The following THSD7B variants were observed in gnomAD, a reference collection of about 807,000 sequenced individuals.
The protein encoded by THSD7B is thrombospondin type-1 domain-containing protein 7B.
Under a neutral mutation model 213.6 loss-of-function variants are expected in THSD7B, and 138 were observed. The ratio of observed to expected loss-of-function variants is 0.65; its 90% CI spans 0.56 to 0.74. The LOEUF (loss-of-function observed/expected upper bound fraction) is 0.74, where lower values mean the gene tolerates loss of function less well. Among genes scored for constraint, THSD7B ranks in the 30% least tolerant of loss-of-function variants. The pLI, the probability that THSD7B is intolerant of heterozygous loss-of-function variation, is 0.00. For missense variants in THSD7B, 1,931 were observed against 1,991.5 expected (o/e 0.97, Z 0.58); for synonymous variants, 742 against 687.0 (o/e 1.08, Z -1.25).
At chr2:137,362,474 G>C (rs1277264432) in intron 12 of THSD7B, among the ~76,000 whole-genome samples, 2 of 152,086 alleles carry the variant, frequency 1.3e-5, no homozygotes, top group Admixed American at 6.6e-5. Flanking sequence ...TCAGTGCGTT[G>C]TATTCAGGAG....
At chr2:137,031,161 T>C (rs185581176) in intron 2 of THSD7B, among the ~76,000 whole-genome samples, 1 of 151,968 alleles carries the variant, frequency 6.6e-6, no homozygotes, top group Admixed American at 6.6e-5. Flanking sequence ...CTGGCCAACA[T>C]GGTGAAACCC....
At chr2:136,961,376 T>C (rs1299325482) in intron 2 of THSD7B, among the ~76,000 whole-genome samples, 1 of 151,490 alleles carries the variant, frequency 6.6e-6, no homozygotes, top group Admixed American at 6.6e-5. Context: ...ACAACCACCA[T>C]GCCCGGCTAA....
intron 12 of THSD7B, among the ~76,000 whole-genome samples, chr2:137,281,194 A>G (rs895915684): frequency 6.6e-6 from 1 of 152,048 alleles, no homozygotes; most frequent in Non-Finnish European, 1.5e-5. Flanking sequence ...TTCTTCTTTA[A>G]TTAGTTTTTG....
chr2:137,506,626 A>C (rs1679841389), intron 15 of THSD7B, among the ~76,000 whole-genome samples: 1 of 152,208 alleles, frequency 6.6e-6, no homozygotes, highest in Admixed American at 6.5e-5. Flanking sequence ...CCACAGACAG[A>C]CTTCTCCATT....
At chr2:136,775,191 G>T (rs1386645221) in intron 1 of THSD7B, among the ~76,000 whole-genome samples, 1 of 152,078 alleles carries the variant, frequency 6.6e-6, no homozygotes, top group East Asian at 1.9e-4. Flanking sequence ...TTGCCACCTT[G>T]CAGGGTATGT....
intron 20 of THSD7B, among the ~76,000 whole-genome samples, chr2:137,629,330 A>T (rs1274774759): frequency 6.6e-6 from 1 of 152,232 alleles, no homozygotes; most frequent in East Asian, 1.9e-4. Context: ...TAATTCTGCC[A>T]CTGTACCAAG....
chr2:137,090,001 G>A (rs977592776), intron 3 of THSD7B, among the ~76,000 whole-genome samples: 10 of 150,108 alleles, frequency 6.7e-5, no homozygotes, highest in African/African-American at 2.2e-4. Context: ...AGTTAGAGTC[G>A]GTCTCAAAAA....
chr2:137,250,647 A>G (rs1212228847), intron 10 of THSD7B, among the ~76,000 whole-genome samples: 1 of 152,210 alleles, frequency 6.6e-6, no homozygotes, highest in East Asian at 1.9e-4. Flanking sequence ...CTGTGTGTAT[A>G]TGGATAAAGT....
At chr2:137,578,782 T>C (rs1170599845) in intron 17 of THSD7B, among the ~76,000 whole-genome samples, 2 of 152,200 alleles carry the variant, frequency 1.3e-5, no homozygotes, top group Non-Finnish European at 2.9e-5. Context: ...GTTTGTTTCT[T>C]TTTTACAAGG....
chr2:137,239,151 A>G (rs970947200), intron 9 of THSD7B, among the ~76,000 whole-genome samples: 1 of 152,006 alleles, frequency 6.6e-6, no homozygotes, highest in Non-Finnish European at 1.5e-5. Context: ...TTTTTTTGAA[A>G]TAATTATAGA....
intron 12 of THSD7B, among the ~76,000 whole-genome samples, chr2:137,392,334 T>C (rs1445120140): frequency 6.6e-6 from 1 of 152,196 alleles, no homozygotes; most frequent in Non-Finnish European, 1.5e-5. Flanking sequence ...TGTCTAATGC[T>C]GTGAGTAGGA....
At chr2:137,150,132 C>T (rs1177850820) in intron 5 of THSD7B, among the ~76,000 whole-genome samples, 3 of 151,744 alleles carry the variant, frequency 2.0e-5, no homozygotes, top group Admixed American at 6.6e-5. Flanking sequence ...ATCCCAGCTA[C>T]TCTGGAGGCT....
intron 2 of THSD7B, among the ~76,000 whole-genome samples, chr2:136,887,266 A>G (rs1477123005): frequency 1.6e-4 from 24 of 150,904 alleles, no homozygotes. Context: ...GTTTTGAATA[A>G]TACGTTCTGA....
chr2:137,449,581 C>A (rs1272205692), intron 14 of THSD7B, among the ~76,000 whole-genome samples: 1 of 152,138 alleles, frequency 6.6e-6, no homozygotes, highest in African/African-American at 2.4e-5. Context: ...AGAATTTATC[C>A]CCATGCACCT....
At chr2:137,199,756 G>A (rs1358450605) in intron 7 of THSD7B, among the ~76,000 whole-genome samples, 1 of 152,146 alleles carries the variant, frequency 6.6e-6, no homozygotes, top group African/African-American at 2.4e-5. Context: ...AAAAGTTATT[G>A]TGTATGTTCT....
At chr2:137,312,676 G>A (rs1243293670) in intron 12 of THSD7B, among the ~76,000 whole-genome samples, 5 of 147,014 alleles carry the variant, frequency 3.4e-5, no homozygotes, top group Admixed American at 1.4e-4. Flanking sequence ...ACACTGCTTT[G>A]AATGTGTCCC....
At chr2:137,280,836 G>A (rs543239838) in intron 12 of THSD7B, among the ~76,000 whole-genome samples, 2 of 152,232 alleles carry the variant, frequency 1.3e-5, no homozygotes, top group East Asian at 3.9e-4. Flanking sequence ...AGAAAGAAAA[G>A]CCGAGATGCT....
rs192197572 is a variant in THSD7B at position 137,419,203 on chromosome 2, C to T, written c.2959+7331C>T. ...GTTTATAGGCATGAACCACCATGCC[C>T]AGCTATACCACATTTTTGATGCAGG... On this transcript the variant is annotated intron_variant, in intron 14 of 27. Transcript: ENST00000409968. Among the ~76,000 whole-genome samples the T allele has an allele frequency of 1.4e-3, 207 of 151,544 alleles. 2 individuals are homozygous for T. The highest frequency in any genetic ancestry group is 3.4e-3 in the Middle Eastern group (1 of 292).
chr2:137,137,908 C>CT (rs35195832), intron 5 of THSD7B, among the ~76,000 whole-genome samples: 6 of 151,586 alleles, frequency 4.0e-5, no homozygotes, highest in African/African-American at 1.5e-4. Flanking sequence ...AATGAATATT[C>CT]TTTTTTTTGA....
Sources: allele counts gnomAD v4.1 joint callset (sites outside exome capture counted in the v4.1 genomes callset), GRCh38; gene constraint gnomAD v4.1.1; transcripts MANE v1.5; gene names NCBI Gene and HGNC (gene_info 2026-07-23, HGNC 2026-07-21).